FILIP1: variants seen among roughly 807,000 people sequenced by gnomAD.
The protein encoded by FILIP1 is filamin-A-interacting protein 1.
Under a neutral mutation model 102.1 loss-of-function variants are expected in FILIP1, and 61 were observed. The observed-to-expected ratio is 0.60, with a 90% confidence interval of 0.49 to 0.74. The LOEUF (loss-of-function observed/expected upper bound fraction) is 0.74, where lower values mean the gene tolerates loss of function less well. FILIP1 is among the 30% of genes least tolerant of loss of function. The pLI, the probability that FILIP1 is intolerant of heterozygous loss-of-function variation, is 0.00. For synonymous variants in FILIP1, 491 were observed against 526.9 expected, an observed-to-expected ratio of 0.93 and a Z score of 0.93; for missense variants, 1,314 against 1,441.2, an observed-to-expected ratio of 0.91 and a Z score of 1.43.
chr6:75,327,372 C>T (rs1773899685), intron 4 of FILIP1, among the ~76,000 whole-genome samples: 1 of 152,118 alleles, frequency 6.6e-6, no homozygotes, highest in African/African-American at 2.4e-5. Flanking sequence ...CCAACTTCCA[C>T]TCTTGTCCAC....
chr6:75,455,037 T>C (rs982155776), intron 1 of FILIP1: 4 of 151,582 alleles, frequency 2.6e-5, no homozygotes, highest in African/African-American at 9.7e-5. Flanking sequence ...AAGAAAGCTG[T>C]CTGGCCTCTT....
chr6:75,372,014 GA>G (rs1343735419), intron 2 of FILIP1, among the ~76,000 whole-genome samples: 1 of 152,122 alleles, frequency 6.6e-6, no homozygotes, highest in Non-Finnish European at 1.5e-5. Flanking sequence ...CAACAGTGTG[GA>G]AAGCAACCCA....
At chr6:75,323,530 G>A (rs1232079007) in intron 4 of FILIP1, among the ~76,000 whole-genome samples, 1 of 152,218 alleles carries the variant, frequency 6.6e-6, no homozygotes, top group Non-Finnish European at 1.5e-5. Context: ...TGGAAGCACA[G>A]GTGGGGAAGG....
chr6:75,371,481 A>G (rs768367248), intron 2 of FILIP1, among the ~76,000 whole-genome samples: 5 of 152,212 alleles, frequency 3.3e-5, no homozygotes, highest in Admixed American at 1.3e-4. Flanking sequence ...AAAATCCATA[A>G]ATTCATATGG....
intron 1 of FILIP1, among the ~76,000 whole-genome samples, chr6:75,490,188 T>A (rs1779916143): frequency 6.6e-6 from 1 of 152,150 alleles, no homozygotes; most frequent in Non-Finnish European, 1.5e-5. Context: ...AAACCGGTGC[T>A]TAATGAACAT....
intron 4 of FILIP1, among the ~76,000 whole-genome samples, chr6:75,329,191 A>C (rs775554211): frequency 6.6e-6 from 1 of 152,224 alleles, no homozygotes; most frequent in Non-Finnish European, 1.5e-5. Context: ...TCCTTGGAAC[A>C]CTTGTCAATC....
In FILIP1 at chr6:75,394,575, T is replaced by C. The variant is rs143129783; in HGVS notation, c.276+20122A>G. On this transcript the variant is annotated intron_variant, in intron 2 of 5. Coordinates refer to ENST00000237172, the MANE Select transcript of FILIP1 (RefSeq NM_015687.5). Reference sequence around the variant, plus strand: ...AATTTCTTTGTTATACAAAAAGCTCTCATTAATCAATAAAAGACCAACAAT... The same window carrying C: ...AATTTCTTTGTTATACAAAAAGCTCCCATTAATCAATAAAAGACCAACAAT... Among the ~76,000 whole-genome samples, 25 of 152,314 alleles carry C rather than the reference T, an allele frequency of 1.6e-4. No homozygotes were observed. The East Asian group carries it at 4.8e-3, about 29-fold the overall frequency.
At chr6:75,483,618 C>T (rs1486553208) in intron 1 of FILIP1, among the ~76,000 whole-genome samples, 2 of 152,088 alleles carry the variant, frequency 1.3e-5, no homozygotes, top group Non-Finnish European at 2.9e-5. Context: ...AGGTTGCCTC[C>T]AATTGGGCCA....
chr6:75,337,814 A>G (rs767527332), intron 4 of FILIP1, among the ~76,000 whole-genome samples: 1 of 152,232 alleles, frequency 6.6e-6, no homozygotes, highest in Non-Finnish European at 1.5e-5. Flanking sequence ...TTCCGGGAGA[A>G]GTGAGAAAAA....
At chr6:75,447,968 T>TA (rs911589653) in intron 1 of FILIP1, among the ~76,000 whole-genome samples, 26 of 151,024 alleles carry the variant, frequency 1.7e-4, no homozygotes, top group East Asian at 3.9e-4. Context: ...TTTTCAAACA[T>TA]AAAAAAAAAT....
intron 2 of FILIP1, among the ~76,000 whole-genome samples, chr6:75,409,433 T>A (rs531860909): frequency 6.6e-6 from 1 of 152,278 alleles, no homozygotes; most frequent in Non-Finnish European, 1.5e-5. Context: ...CTATCTTGCT[T>A]CTAGCCTCAC....
At chr6:75,462,379 G>A (rs1582545076) in intron 1 of FILIP1, among the ~76,000 whole-genome samples, 2 of 152,030 alleles carry the variant, frequency 1.3e-5, no homozygotes, top group Admixed American at 6.6e-5. Context: ...GAATTGCAGC[G>A]GAGAGGCTGC....
intron 2 of FILIP1, among the ~76,000 whole-genome samples, chr6:75,391,580 A>G (rs539962048): frequency 1.2e-4 from 19 of 152,242 alleles, no homozygotes; most frequent in African/African-American, 3.9e-4. Context: ...CCCTATCACT[A>G]GAAGTAAACT....
chr6:75,394,282 A>T (rs1260684300), intron 2 of FILIP1, among the ~76,000 whole-genome samples: 1 of 152,208 alleles, frequency 6.6e-6, no homozygotes, highest in Non-Finnish European at 1.5e-5. Flanking sequence ...TCACTTTAGG[A>T]TGAATTTCAG....
At chr6:75,465,723 A>G (rs748004568) in intron 1 of FILIP1, among the ~76,000 whole-genome samples, 4 of 152,318 alleles carry the variant, frequency 2.6e-5, no homozygotes, top group East Asian at 1.9e-4. Flanking sequence ...GATTCCAAAA[A>G]TGACACTAAT....
chr6:75,395,584 T>A (rs1313079521), intron 2 of FILIP1, among the ~76,000 whole-genome samples: 1 of 152,124 alleles, frequency 6.6e-6, no homozygotes, highest in African/African-American at 2.4e-5. Flanking sequence ...GGCCAAAAAT[T>A]TCTAAATATA....
At chr6:75,402,873 G>T (rs1037147785) in intron 2 of FILIP1, among the ~76,000 whole-genome samples, 1 of 152,086 alleles carries the variant, frequency 6.6e-6, no homozygotes, top group East Asian at 1.9e-4. Context: ...GTGTTTTGCA[G>T]ATGTTAAAAA....
intron 1 of FILIP1, among the ~76,000 whole-genome samples, chr6:75,467,218 T>C (rs111737626): frequency 1.3e-5 from 2 of 152,368 alleles, no homozygotes; most frequent in African/African-American, 4.8e-5. Flanking sequence ...TTTTTTACTT[T>C]ATTTTCCAGC....
intron 2 of FILIP1, among the ~76,000 whole-genome samples, chr6:75,411,952 G>A (rs1777086166): frequency 1.3e-5 from 2 of 152,164 alleles, no homozygotes; most frequent in African/African-American, 2.4e-5. Flanking sequence ...ATTCTGTGGA[G>A]AAAGTCAGTG....
Sources: gnomAD v4.1 joint callset for allele counts (sites outside exome capture counted in the v4.1 genomes callset) on GRCh38, gnomAD v4.1.1 for gene constraint, MANE v1.5 for transcripts, NCBI Gene and HGNC (gene_info 2026-07-23, HGNC 2026-07-21) for gene names.